The following C1orf141 variants were observed in gnomAD, a reference collection of about 807,000 sequenced individuals.
C1orf141 encodes the protein uncharacterized protein C1orf141.
C1orf141 carries 19 observed loss-of-function variants against 23.2 expected under a neutral mutation model. That is an observed-to-expected ratio of 0.82 (90% confidence interval 0.57 to 1.20). C1orf141 has a LOEUF of 1.20. C1orf141 is among the 50% of genes most tolerant of loss of function. The pLI is 0.00. For missense variants in C1orf141, 469 were observed against 455.1 expected (o/e 1.03, Z -0.28); for synonymous variants, 153 against 154.6 (o/e 0.99, Z 0.08).
At chr1:67,098,854 G>A (rs1311237029) in intron 5 of C1orf141, among the ~76,000 whole-genome samples, 1 of 152,050 alleles carries the variant, frequency 6.6e-6, no homozygotes, top group Non-Finnish European at 1.5e-5. Context: ...TTAAAAACTG[G>A]AAATCTTGGA....
intron 4 of C1orf141, among the ~76,000 whole-genome samples, chr1:67,124,872 G>A (rs1646374271): frequency 6.6e-6 from 1 of 152,162 alleles, no homozygotes; most frequent in Non-Finnish European, 1.5e-5. Context: ...AACAAGTGAG[G>A]AAAACTTGTT....
intron 2 of C1orf141, among the ~76,000 whole-genome samples, chr1:67,128,478 C>T (rs958209803): frequency 6.6e-6 from 1 of 151,876 alleles, no homozygotes; most frequent in Non-Finnish European, 1.5e-5. Context: ...CCGAGGCGGG[C>T]AGATCACTTG....
intron 1 of C1orf141, among the ~76,000 whole-genome samples, chr1:67,134,628 C>A (rs149933997): frequency 1.1e-4 from 16 of 152,058 alleles, no homozygotes; most frequent in Admixed American, 4.6e-4. Flanking sequence ...TGCCTATGGT[C>A]GTTTCATGGG....
intron 4 of C1orf141, 86 bp from the exon 5 acceptor site, chr1:67,115,550 G>T: frequency 1.7e-6 from 1 of 590,278 alleles, no homozygotes; most frequent in Non-Finnish European, 2.9e-6. Context: ...GGAATGTGAA[G>T]TCCTAGTTAT....
Position 67,123,375 on chromosome 1 carries a change from C to T in C1orf141, c.233+2377G>A, listed in dbSNP as rs568626540. ...ATTGAATTAAAAACTAAGTATTATA[C>T]ATTTGATTTATAAGATTAGTTATAC... On this transcript the variant is annotated intron_variant, in intron 4 of 7. Transcript: ENST00000684719. The T allele has an allele frequency of 2.3e-4, 35 of 152,146 alleles. No homozygotes were observed. In the South Asian group the frequency reaches 4.8e-3, roughly 21 times the overall value. 9.4% of individuals were successfully genotyped at this position (152,146 alleles called of 1,614,324 possible). A position where few individuals can be genotyped will look rare whatever the true frequency, so the allele number is the denominator to read the frequency against.
In C1orf141 at chr1:67,126,286, C is replaced by G. The variant is rs1396260802; in HGVS notation, c.76-377G>C. Reference sequence around the variant, plus strand: ...GCCTGCTCCTCTTCCTGTAGCCACACGCACGATGAATCACACCAATCTTCC... The same window carrying G: ...GCCTGCTCCTCTTCCTGTAGCCACAGGCACGATGAATCACACCAATCTTCC... On this transcript the variant is annotated intron_variant, in intron 3 of 7. Coordinates refer to ENST00000684719, the MANE Select transcript of C1orf141 (RefSeq NM_001276351.2). 6.6e-5 allele frequency among the ~76,000 whole-genome samples: 10 copies of G among 152,248 alleles called. No individual in the cohort carries two copies. In the South Asian group the frequency reaches 1.4e-3, roughly 22 times the overall value.
chr1:67,111,542 A>G (rs1570703436), intron 5 of C1orf141: 1 of 834,102 alleles, frequency 1.2e-6, no homozygotes, highest in African/African-American at 1.8e-5. Flanking sequence ...TTGAATTTCT[A>G]TTAAGTAATT....
Position 67,106,453 on chromosome 1 carries a change from C to T in C1orf141, c.346+8899G>A, listed in dbSNP as rs552134343. Among the ~76,000 whole-genome samples the T allele has an allele frequency of 2.5e-3, 374 of 152,162 alleles. 2 individuals are homozygous for T. Among genetic ancestry groups the T allele is most frequent in the Non-Finnish European group, 4.1e-3 (282 of 67,992 alleles). Reference sequence around the variant, plus strand: ...CTTGAGGCCAGGAGTTCGAGACCAGCCTGGCCAACATGGTGAAACCCTGTC... The same window carrying T: ...CTTGAGGCCAGGAGTTCGAGACCAGTCTGGCCAACATGGTGAAACCCTGTC... On this transcript the variant is annotated intron_variant, in intron 5 of 7. Transcript: ENST00000684719.
At chr1:67,114,289 TAAA>T (rs11291982) in intron 5 of C1orf141, among the ~76,000 whole-genome samples, 11 of 149,274 alleles carry the variant, frequency 7.4e-5, no homozygotes, top group African/African-American at 1.2e-4. Flanking sequence ...GCATAAACAA[TAAA>T]AAAAAAAAAA....
intron 5 of C1orf141, among the ~76,000 whole-genome samples, chr1:67,101,109 A>G (rs1031075279): frequency 6.6e-6 from 1 of 152,072 alleles, no homozygotes; most frequent in Non-Finnish European, 1.5e-5. Flanking sequence ...ACTTGATGGA[A>G]TCATGTTTTT....
At chr1:67,140,749 T>TA (rs1449852257) in intron 1 of C1orf141, among the ~76,000 whole-genome samples, 1 of 152,166 alleles carries the variant, frequency 6.6e-6, no homozygotes, top group Admixed American at 6.5e-5. Flanking sequence ...TTTATAATGG[T>TA]AAAAAATTTA....
At chr1:67,109,515 A>C (rs1032766696) in intron 5 of C1orf141, among the ~76,000 whole-genome samples, 1 of 152,182 alleles carries the variant, frequency 6.6e-6, no homozygotes, top group African/African-American at 2.4e-5. Flanking sequence ...GATTACACAC[A>C]ATAGAGAGAA....
intron 2 of C1orf141, among the ~76,000 whole-genome samples, chr1:67,129,681 C>T (rs1016748720): frequency 3.3e-4 from 50 of 152,128 alleles, no homozygotes; most frequent in Non-Finnish European, 4.0e-4. Flanking sequence ...GAACATCGCT[C>T]CAAAAATGCA....
intron 5 of C1orf141, chr1:67,103,168 A>C: frequency 1.3e-6 from 1 of 783,968 alleles, no homozygotes; most frequent in African/African-American, 1.7e-5. Flanking sequence ...AGATTTTCTT[A>C]ATGCTTACAC....
At chr1:67,111,515 A>T (rs1181660590) in intron 5 of C1orf141, 2 of 624,644 alleles carry the variant, frequency 3.2e-6, no homozygotes, top group Non-Finnish European at 5.0e-6. Context: ...AGCATATATA[A>T]AATTATTAGG....
At chr1:67,139,651 C>T (rs907067228), upstream of C1orf141, among the ~76,000 whole-genome samples, 7 of 152,140 alleles carry the variant, frequency 4.6e-5, no homozygotes, top group Admixed American at 1.3e-4. Context: ...TTGTCCCCTC[C>T]GAAAGTCATG....
chr1:67,093,956 T>C (rs1645612619), intron 7 of C1orf141: 1 of 155,678 alleles, frequency 6.4e-6, no homozygotes, highest in Non-Finnish European at 1.4e-5. Flanking sequence ...GGTTTCCATG[T>C]TCTAGAAATT....
chr1:67,109,279 A>G (rs530171078), intron 5 of C1orf141, among the ~76,000 whole-genome samples: 76 of 134,960 alleles, frequency 5.6e-4, no homozygotes, highest in Non-Finnish European at 1.1e-3. Context: ...GTGAGCCGAG[A>G]TGGCGCCACT....
chr1:67,096,990 A>G (rs1373572032), intron 5 of C1orf141, among the ~76,000 whole-genome samples: 1 of 152,188 alleles, frequency 6.6e-6, no homozygotes, highest in Non-Finnish European at 1.5e-5. Flanking sequence ...CAGCACACCT[A>G]TAACCCCCTC....
Sources: gnomAD v4.1 joint callset for allele counts (sites outside exome capture counted in the v4.1 genomes callset) on GRCh38, gnomAD v4.1.1 for gene constraint, MANE v1.5 for transcripts, NCBI Gene and HGNC (gene_info 2026-07-23, HGNC 2026-07-21) for gene names.